The following TOGARAM2 variants were observed in gnomAD, a reference collection of about 807,000 sequenced individuals.
The protein encoded by TOGARAM2 is TOG array regulator of axonemal microtubules protein 2.
TOGARAM2 carries 85 observed loss-of-function variants against 93.3 expected under a neutral mutation model. The observed-to-expected ratio is 0.91, with a 90% CI of 0.76 to 1.09. The LOEUF is 1.09. Ranked by LOEUF, TOGARAM2 falls within the 50% of genes least tolerant of loss-of-function variation. The probability of loss-of-function intolerance (pLI) is 0.00; values close to 1 mark genes in which losing one functional copy is unlikely to be tolerated. For synonymous variants in TOGARAM2, 593 were observed against 552.8 expected, an observed-to-expected ratio of 1.07 and a Z score of -1.02; for missense variants, 1,277 against 1,334.5, an observed-to-expected ratio of 0.96 and a Z score of 0.67.
intron 1 of TOGARAM2, among the ~76,000 whole-genome samples, chr2:28,963,227 T>G (rs1227729902): frequency 6.6e-6 from 1 of 152,234 alleles, no homozygotes; most frequent in Non-Finnish European, 1.5e-5. Context: ...ATTTTAAGTT[T>G]CCAAATATAT....
At chr2:29,006,464 G>C (rs936860480) in intron 6 of TOGARAM2, among the ~76,000 whole-genome samples, 2 of 151,548 alleles carry the variant, frequency 1.3e-5, no homozygotes, top group Non-Finnish European at 2.9e-5. Context: ...GTGTGTGAGT[G>C]CATGTGTATG....
chr2:28,977,885 G>A (rs1672060386), upstream of TOGARAM2, among the ~76,000 whole-genome samples: 1 of 150,900 alleles, frequency 6.6e-6, no homozygotes, highest in Non-Finnish European at 1.5e-5. Context: ...GGCCAAGGGA[G>A]ATAGGTATAA....
intron 1 of TOGARAM2, among the ~76,000 whole-genome samples, chr2:28,992,319 C>T (rs1224647804): frequency 6.6e-6 from 1 of 152,052 alleles, no homozygotes; most frequent in Non-Finnish European, 1.5e-5. Flanking sequence ...TGGGCGGGCA[C>T]CTAGGAGATC....
Position 29,010,057 on chromosome 2 carries a change from T to TG in TOGARAM2, c.831-1391dup, listed in dbSNP as rs1478812160. 2.2e-3 allele frequency among the ~76,000 whole-genome samples: 245 copies of TG among 111,192 alleles called. 1 individual carries two copies. Among genetic ancestry groups the TG allele is most frequent in the African/African-American group, 8.0e-3 (236 of 29,684 alleles). 72.9% of individuals were successfully genotyped at this position (111,192 alleles called of 152,430 possible). A position where few individuals can be genotyped will look rare whatever the true frequency, so the allele number is the denominator to read the frequency against. Reference sequence around the variant, plus strand: ...TGTGTGTGTGTGTGTGTGTGTGTGTTGGGGGGGCGCAGAGCGGGGGAGGCT... The same window carrying TG: ...TGTGTGTGTGTGTGTGTGTGTGTGTTGGGGGGGGCGCAGAGCGGGGGAGGCT... On this transcript the variant is annotated intron_variant, in intron 6 of 19. Coordinates refer to ENST00000379558, the MANE Select transcript of TOGARAM2 (RefSeq NM_199280.4).
chr2:29,003,382 G>C (rs1197276516), intron 5 of TOGARAM2, 110 bp from the exon 6 acceptor site: 2 of 895,018 alleles, frequency 2.2e-6, no homozygotes, highest in Non-Finnish European at 3.1e-6. Flanking sequence ...TCCCAGGGTG[G>C]TGTGGCTGAA....
intron 1 of TOGARAM2, among the ~76,000 whole-genome samples, chr2:28,968,297 G>C (rs1008764653): frequency 6.6e-6 from 1 of 152,036 alleles, no homozygotes; most frequent in Admixed American, 6.6e-5. Flanking sequence ...TCTTTTTAAT[G>C]GTTAAATTAT....
rs770007979 is a variant in TOGARAM2 at position 29,002,683 on chromosome 2, A to G, written c.575A>G (p.Glu192Gly). 7 of 1,613,900 alleles carry G rather than the reference A, an allele frequency of 4.3e-6. No individual in the cohort carries two copies. The highest frequency in any genetic ancestry group is 5.9e-6 in the Non-Finnish European group (7 of 1,179,894). Residue 192 changes from glutamate (E) to glycine (G), a missense_variant, in exon 5 of 20, where the codon GAG (glutamate) becomes GGG (glycine). Coordinates refer to ENST00000379558, the MANE Select transcript of TOGARAM2 (RefSeq NM_199280.4). ...ACCCCTGAGGCCAGCGGAGTCAAAG[A>G]GAAGGGCCTGGACCTACCGGGGAGC... is the stretch of plus-strand genomic sequence containing the variant. ...PTTPEASGVK[E>G]KGLDLPGSIP... is the part of the protein sequence containing the mutation.
intron 1 of TOGARAM2, among the ~76,000 whole-genome samples, chr2:28,970,706 C>G (rs927186261): frequency 6.6e-6 from 1 of 152,206 alleles, no homozygotes; most frequent in East Asian, 1.9e-4. Flanking sequence ...CACCCACCTG[C>G]GCCCACTCTA....
chr2:29,046,202 G>C (rs1049306564), intron 19 of TOGARAM2: 1 of 152,280 alleles, frequency 6.6e-6, no homozygotes, highest in Non-Finnish European at 1.5e-5. Context: ...TCCTGTTTCT[G>C]CTTTGAGTCT....
intron 13 of TOGARAM2, among the ~76,000 whole-genome samples, chr2:29,024,613 G>A (rs1665218488): frequency 6.6e-6 from 1 of 152,142 alleles, no homozygotes; most frequent in Non-Finnish European, 1.5e-5. Flanking sequence ...AGCTGGGGGA[G>A]GAAGACCCCT....
In TOGARAM2 at chr2:29,024,348, G is replaced by C. The variant is rs1665187810; in HGVS notation, c.1827G>C (p.Leu609=). 6.2e-7 allele frequency: 1 copy of C among 1,610,572 alleles called. No individual in the cohort carries two copies. The highest frequency in any genetic ancestry group is 1.3e-5 in the African/African-American group (1 of 74,854). Residue 609 remains leucine (L), a synonymous_variant, in exon 13 of 20, where the codon CTG becomes CTC. Transcript: ENST00000379558. ...AGAATGTGACCCTTGCCCGCTCCCT[G>C]GTGGTCCTCACCTCGGCGGGTGTCT... The part of the protein sequence containing the change: ...MVENVTLARS[L]VVLTSAGVYH...
rs1250493257 is a variant in TOGARAM2 at position 29,017,971 on chromosome 2, C to T, written c.1360+15C>T. The T allele has an allele frequency of 6.3e-7, 1 of 1,583,530 alleles. No individual in the cohort carries two copies. The highest frequency in any genetic ancestry group is 8.6e-7 in the Non-Finnish European group (1 of 1,163,574). On this transcript the variant is annotated intron_variant, in intron 10 of 19. Transcript: ENST00000379558. Reference sequence around the variant, plus strand: ...CCACGCCTCAGGTGGGCAGGCCCGACTGGCAGGCACACGTGTCCCTCTGCC... The same window carrying T: ...CCACGCCTCAGGTGGGCAGGCCCGATTGGCAGGCACACGTGTCCCTCTGCC...
intron 6 of TOGARAM2, among the ~76,000 whole-genome samples, chr2:29,005,884 CAT>C (rs1275318659): frequency 1.4e-5 from 2 of 138,154 alleles, no homozygotes; most frequent in Admixed American, 7.2e-5. Flanking sequence ...GTTGTGAGTG[CAT>C]GTGTATGTGT....
chr2:29,035,615 T>C lies in TOGARAM2; in HGVS notation c.2377T>C (p.Cys793Arg). The C allele has an allele frequency of 1.9e-6, 3 of 1,567,162 alleles. No individual in the cohort carries two copies. Among genetic ancestry groups the C allele is most frequent in the Admixed American group, 1.8e-5 (1 of 54,384 alleles). ...MEGVGQLLELCKAKTELVTAH... is the reference protein window; with the variant it reads ...MEGVGQLLELRKAKTELVTAH... ...AGGCGTGGGGCAGCTCCTGGAGCTC[T>C]GCAAGGCCAAGACGGAGCTTGTCAC... Residue 793 changes from cysteine to arginine, a missense_variant, in exon 17 of 20, where the codon TGC (cysteine) becomes CGC (arginine). Physicochemically the swap from Cys to Arg is radical, Grantham distance 180 (BLOSUM62 -3). Coordinates refer to ENST00000379558, the MANE Select transcript of TOGARAM2 (RefSeq NM_199280.4).
At chr2:29,027,370 A>G (rs1359525622) in intron 14 of TOGARAM2, among the ~76,000 whole-genome samples, 1 of 152,252 alleles carries the variant, frequency 6.6e-6, no homozygotes, top group Non-Finnish European at 1.5e-5. Context: ...GCAGTGAATA[A>G]GAAAAATGAA....
chr2:28,986,817 C>A (rs1370727154), intron 1 of TOGARAM2, among the ~76,000 whole-genome samples: 1 of 152,212 alleles, frequency 6.6e-6, no homozygotes, highest in Non-Finnish European at 1.5e-5. Context: ...CACTGTGGAT[C>A]GAGCCCTTGG....
At chr2:29,039,101 G>A (rs1032959109) in intron 18 of TOGARAM2, among the ~76,000 whole-genome samples, 4 of 152,124 alleles carry the variant, frequency 2.6e-5, no homozygotes, top group East Asian at 1.9e-4. Context: ...CAAATCGGAC[G>A]GAAGAGAAGG....
Position 29,035,645 on chromosome 2 carries a change from C to T in TOGARAM2, c.2407C>T (p.His803Tyr). 6.7e-7 allele frequency: 1 copy of T among 1,501,928 alleles called. No individual in the cohort carries two copies. The highest frequency in any genetic ancestry group is 8.9e-7 in the Non-Finnish European group (1 of 1,120,794). The allele number at this position is 1,501,928 out of a possible 1,614,324, so 93.0% of individuals were successfully genotyped here. A position where few individuals can be genotyped will look rare whatever the true frequency, so the allele number is the denominator to read the frequency against. ...CKAKTELVTAHLVQVFDAFTP... is the reference protein window; with the variant it reads ...CKAKTELVTAYLVQVFDAFTP... Reference sequence around the variant, plus strand: ...GGCCAAGACGGAGCTTGTCACTGCCCACCTGGTCCAGGTGAGCACCGCTTG... The same window carrying T: ...GGCCAAGACGGAGCTTGTCACTGCCTACCTGGTCCAGGTGAGCACCGCTTG... Residue 803 changes from histidine (H) to tyrosine (Y), a missense_variant, in exon 17 of 20, where the codon CAC (histidine) becomes TAC (tyrosine). Physicochemically the swap from His to Tyr is moderately conservative, Grantham distance 83 (BLOSUM62 2). Transcript: ENST00000379558.
intron 13 of TOGARAM2, among the ~76,000 whole-genome samples, chr2:29,025,932 G>A (rs1198164266): frequency 6.6e-6 from 1 of 152,138 alleles, no homozygotes; most frequent in East Asian, 1.9e-4. Flanking sequence ...GAGGGAATCA[G>A]GACTCCAGCC....
Sources: allele counts gnomAD v4.1 joint callset (sites outside exome capture counted in the v4.1 genomes callset), GRCh38; gene constraint gnomAD v4.1.1; transcripts MANE v1.5; gene names NCBI Gene and HGNC (gene_info 2026-07-23, HGNC 2026-07-21).